Variants in PCDH15 observed in about 807,000 individuals in gnomAD.
PCDH15 encodes protocadherin related 15.
PCDH15 carries 129 observed loss-of-function variants against 178.5 expected under a neutral mutation model. The ratio of observed to expected loss-of-function variants is 0.72; its 90% CI spans 0.63 to 0.84. PCDH15 has a LOEUF of 0.84. Among genes scored for constraint, PCDH15 ranks in the 40% least tolerant of loss-of-function variants. The pLI, the probability that PCDH15 is intolerant of heterozygous loss-of-function variation, is 0.00. For synonymous variants in PCDH15, 800 were observed against 732.0 expected (o/e 1.09, Z -1.50); for missense variants, 2,230 against 2,099.9 (o/e 1.06, Z -1.21).
chr10:54,686,674 T>C (rs1013099189), intron 1 of PCDH15, among the ~76,000 whole-genome samples: 2 of 152,142 alleles, frequency 1.3e-5, no homozygotes, highest in African/African-American at 4.8e-5. Flanking sequence ...TCATTGTGAC[T>C]TTTTGGCACC....
chr10:54,537,369 T>G (rs1298726882), intron 2 of PCDH15, among the ~76,000 whole-genome samples: 1 of 152,136 alleles, frequency 6.6e-6, no homozygotes, highest in Non-Finnish European at 1.5e-5. Flanking sequence ...TGGTATCAAG[T>G]CTGAAACTAC....
intron 3 of PCDH15, among the ~76,000 whole-genome samples, chr10:54,871,428 G>GAA (rs5785096): frequency 8.4e-4 from 121 of 143,432 alleles, no homozygotes; most frequent in East Asian, 5.3e-3. Flanking sequence ...AGTCTGAGAG[G>GAA]AAAAAAAAAA....
In PCDH15 at chr10:53,806,509, G is replaced by C; in HGVS notation, c.*70C>G. On this transcript the variant is annotated 3_prime_UTR_variant, in exon 38 of 38. Coordinates refer to ENST00000644397, the MANE Select transcript of PCDH15 (RefSeq NM_001384140.1). ...ATAAATTCCATACATTGTTTTCTCA[G>C]TGACAATAAAAAGCACAGTTTATTA... 7.9e-7 allele frequency: 1 copy of C among 1,273,508 alleles called. No homozygotes were observed. Among genetic ancestry groups the C allele is most frequent in the Non-Finnish European group, 1.1e-6 (1 of 929,980 alleles). 78.9% of individuals were successfully genotyped at this position (1,273,508 alleles called of 1,614,324 possible).
At chr10:54,216,237 T>C (rs184865496) in intron 9 of PCDH15, among the ~76,000 whole-genome samples, 357 of 151,736 alleles carry the variant, frequency 2.4e-3, no homozygotes, top group African/African-American at 8.4e-3. Context: ...GGGCAGATCA[T>C]CTGAGGTTAG....
intron 6 of PCDH15, among the ~76,000 whole-genome samples, chr10:54,339,917 G>A (rs565013238): frequency 6.6e-6 from 1 of 152,198 alleles, no homozygotes; most frequent in East Asian, 1.9e-4. Context: ...CAGTGACCCT[G>A]ACCCTGCTCC....
At chr10:53,957,663 A>C (rs923031335) in intron 23 of PCDH15, among the ~76,000 whole-genome samples, 1 of 151,998 alleles carries the variant, frequency 6.6e-6, no homozygotes, top group African/African-American at 2.4e-5. Flanking sequence ...AAAACTTACG[A>C]ATTGTTTATT....
At chr10:54,076,424 T>C (rs1391466955) in intron 17 of PCDH15, among the ~76,000 whole-genome samples, 1 of 152,114 alleles carries the variant, frequency 6.6e-6, no homozygotes. Flanking sequence ...TAAACAGAGA[T>C]AACTTTACTT....
intron 6 of PCDH15, among the ~76,000 whole-genome samples, chr10:54,339,583 G>A (rs549393697): frequency 6.6e-6 from 1 of 152,260 alleles, no homozygotes; most frequent in South Asian, 2.1e-4. Flanking sequence ...AAAGAAGAAT[G>A]CTTCTTCTTC....
At chr10:54,377,383 A>G (rs947371299) in intron 4 of PCDH15, among the ~76,000 whole-genome samples, 2 of 152,198 alleles carry the variant, frequency 1.3e-5, no homozygotes, top group African/African-American at 4.8e-5. Flanking sequence ...TATAGGACAC[A>G]TAAAACAGAT....
intron 21 of PCDH15, among the ~76,000 whole-genome samples, chr10:53,980,815 G>A (rs757586108): frequency 4.9e-4 from 75 of 152,032 alleles, no homozygotes; most frequent in Non-Finnish European, 1.8e-4. Flanking sequence ...CAAACCTAAC[G>A]GCACTCAGGA....
At chr10:54,289,177 G>A (rs1346974367) in intron 8 of PCDH15, among the ~76,000 whole-genome samples, 1 of 152,162 alleles carries the variant, frequency 6.6e-6, no homozygotes, top group East Asian at 1.9e-4. Context: ...GGAAGGATCA[G>A]GCAGCAATAT....
At chr10:54,794,888 A>C (rs1044401022) in intron 1 of PCDH15, among the ~76,000 whole-genome samples, 2 of 151,926 alleles carry the variant, frequency 1.3e-5, no homozygotes, top group African/African-American at 4.8e-5. Flanking sequence ...CAAATTTAGT[A>C]AAAAGTTCTG....
intron 3 of PCDH15, among the ~76,000 whole-genome samples, chr10:54,507,517 GA>G (rs1319692620): frequency 6.6e-6 from 1 of 151,738 alleles, no homozygotes; most frequent in African/African-American, 2.4e-5. Flanking sequence ...AAGAAAAAAT[GA>G]AAACCTCTGA....
intron 15 of PCDH15, among the ~76,000 whole-genome samples, chr10:54,115,077 A>G (rs2095090741): frequency 6.6e-6 from 1 of 152,142 alleles, no homozygotes; most frequent in Non-Finnish European, 1.5e-5. Context: ...GCAATAATCT[A>G]AGTAGGAGGT....
At chr10:54,038,869 ATCAT>A (rs1268041930) in intron 18 of PCDH15, among the ~76,000 whole-genome samples, 2 of 152,158 alleles carry the variant, frequency 1.3e-5, no homozygotes, top group Admixed American at 1.3e-4. Flanking sequence ...TTATTACAAT[ATCAT>A]TCATTGTTTT....
chr10:53,970,717 C>T (rs768708990), intron 21 of PCDH15, among the ~76,000 whole-genome samples: 69 of 152,078 alleles, frequency 4.5e-4, no homozygotes, highest in Non-Finnish European at 4.6e-4. Context: ...TGGACACATA[C>T]ACCCTCCCAA....
At chr10:55,324,067 C>A (rs1843971592), upstream of PCDH15, among the ~76,000 whole-genome samples, 1 of 152,112 alleles carries the variant, frequency 6.6e-6, no homozygotes. Context: ...AAGTTCTCTT[C>A]TGTGTTGTAA....
intron 21 of PCDH15, among the ~76,000 whole-genome samples, chr10:53,971,829 C>G (rs9794279): frequency 0.72 from 109,855 of 152,038 alleles, 39,957 homozygotes; most frequent in East Asian, 0.87. Context: ...CTCATGGATA[C>G]GAAGAATCAA....
chr10:54,904,651 T>C (rs908253373), intron 2 of PCDH15, among the ~76,000 whole-genome samples: 22 of 152,014 alleles, frequency 1.4e-4, no homozygotes, highest in African/African-American at 4.6e-4. Context: ...GAATGAACCA[T>C]GACATTTAGG....
Sources: allele counts gnomAD v4.1 joint callset (sites outside exome capture counted in the v4.1 genomes callset), GRCh38; gene constraint gnomAD v4.1.1; transcripts MANE v1.5; gene names NCBI Gene and HGNC (gene_info 2026-07-23, HGNC 2026-07-21).